Variants in MAGI2 observed in about 807,000 individuals in gnomAD.
MAGI2 encodes membrane associated guanylate kinase, WW and PDZ domain containing 2.
Under a neutral mutation model 133.3 loss-of-function variants are expected in MAGI2, and 35 were observed. The ratio of observed to expected loss-of-function variants is 0.26; its 90% CI spans 0.20 to 0.35. The LOEUF is 0.35. MAGI2 is among the 10% of genes least tolerant of loss of function. The pLI, the probability that MAGI2 is intolerant of heterozygous loss-of-function variation, is 1.00. For synonymous variants in MAGI2, 729 were observed against 710.6 expected, an observed-to-expected ratio of 1.03 and a Z score of -0.41; for missense variants, 1,636 against 1,863.4, an observed-to-expected ratio of 0.88 and a Z score of 2.25.
chr7:78,340,818 G>A (rs2151178162), intron 9 of MAGI2, among the ~76,000 whole-genome samples: 1 of 152,056 alleles, frequency 6.6e-6, no homozygotes, highest in East Asian at 1.9e-4. Flanking sequence ...AAAATAATAA[G>A]AGCTATTTAT....
intron 3 of MAGI2, among the ~76,000 whole-genome samples, chr7:78,593,173 A>T (rs1039836975): frequency 6.6e-6 from 1 of 150,896 alleles, no homozygotes; most frequent in African/African-American, 2.4e-5. Flanking sequence ...AGGGCGGATC[A>T]CGAGGTCAGG....
chr7:78,490,391 A>G (rs1452729044), intron 5 of MAGI2, among the ~76,000 whole-genome samples: 1 of 152,064 alleles, frequency 6.6e-6, no homozygotes, highest in African/African-American at 2.4e-5. Flanking sequence ...TTTCATCCAA[A>G]TACTTTCAAC....
chr7:78,327,242 T>C (rs1009982232), intron 9 of MAGI2, among the ~76,000 whole-genome samples: 2 of 152,304 alleles, frequency 1.3e-5, no homozygotes, highest in African/African-American at 4.8e-5. Flanking sequence ...ACTTCAACCA[T>C]AGAAATCTCA....
At chr7:78,644,219 A>G (rs1266665557) in intron 2 of MAGI2, among the ~76,000 whole-genome samples, 2 of 152,118 alleles carry the variant, frequency 1.3e-5, no homozygotes, top group African/African-American at 2.4e-5. Context: ...TAATTCCACA[A>G]TTATACTGAG....
At chr7:79,451,129 A>T (rs955122833) in intron 1 of MAGI2, among the ~76,000 whole-genome samples, 1 of 152,218 alleles carries the variant, frequency 6.6e-6, no homozygotes, top group Non-Finnish European at 1.5e-5. Flanking sequence ...CTAGCGTGAC[A>T]GTTTGCCAAC....
intron 2 of MAGI2, among the ~76,000 whole-genome samples, chr7:78,765,507 C>A (rs1824933927): frequency 6.6e-6 from 1 of 151,982 alleles, no homozygotes; most frequent in East Asian, 1.9e-4. Flanking sequence ...CACTACCACA[C>A]CCGGCTAATT....
chr7:78,048,778 A>G (rs1386017615), intron 21 of MAGI2, among the ~76,000 whole-genome samples: 1 of 152,130 alleles, frequency 6.6e-6, no homozygotes, highest in Non-Finnish European at 1.5e-5. Flanking sequence ...ATTCTGGGAG[A>G]TTTCCAATGA....
At chr7:78,907,979 T>C (rs373237754) in intron 2 of MAGI2, among the ~76,000 whole-genome samples, 22 of 152,162 alleles carry the variant, frequency 1.4e-4, no homozygotes, top group South Asian at 1.0e-3. Flanking sequence ...TGGAGTTACA[T>C]ATGAAAATAC....
intron 2 of MAGI2, among the ~76,000 whole-genome samples, chr7:78,943,507 C>T (rs1801154875): frequency 6.6e-6 from 1 of 152,100 alleles, no homozygotes; most frequent in South Asian, 2.1e-4. Context: ...GTGAAATGGC[C>T]TCATTATACA....
At chr7:78,464,730 C>A (rs1262026372) in intron 6 of MAGI2, among the ~76,000 whole-genome samples, 1 of 125,078 alleles carries the variant, frequency 8.0e-6, no homozygotes, top group Non-Finnish European at 1.8e-5. Context: ...AAATAAGAAC[C>A]TGATTTTTTT....
chr7:79,235,091 C>A (rs1211449016), intron 1 of MAGI2, among the ~76,000 whole-genome samples: 8 of 151,624 alleles, frequency 5.3e-5, no homozygotes, highest in Admixed American at 2.6e-4. Flanking sequence ...GGGGTGCCTC[C>A]CAGTTAGGCT....
At chr7:78,982,070 T>A (rs1328317877) in intron 2 of MAGI2, among the ~76,000 whole-genome samples, 4 of 151,580 alleles carry the variant, frequency 2.6e-5, no homozygotes, top group Non-Finnish European at 5.9e-5. Context: ...AGAATTAGGA[T>A]CTCATCTTCT....
intron 20 of MAGI2, among the ~76,000 whole-genome samples, chr7:78,111,826 G>A (rs1185667085): frequency 6.6e-6 from 1 of 152,222 alleles, no homozygotes; most frequent in East Asian, 1.9e-4. Flanking sequence ...GGACGAAATG[G>A]TCTTTGGGAT....
chr7:78,757,614 A>T lies in MAGI2; in HGVS notation c.419-130375T>A, dbSNP rs1824085559. On this transcript the variant is annotated intron_variant, in intron 2 of 21. Coordinates refer to ENST00000354212, the MANE Select transcript of MAGI2 (RefSeq NM_012301.4). ...CATTAGTGAGTCCTCATCTTATATG[A>T]CTTAACAGCTGCACCTGATACAGTT... Among the ~76,000 whole-genome samples, 5 of 152,096 alleles carry T rather than the reference A, an allele frequency of 3.3e-5. No individual in the cohort carries two copies. The South Asian group carries it at 1.0e-3, about 32-fold the overall frequency.
intron 3 of MAGI2, among the ~76,000 whole-genome samples, chr7:78,565,051 C>A (rs1168006230): frequency 1.3e-5 from 2 of 151,952 alleles, no homozygotes; most frequent in East Asian, 3.9e-4. Context: ...CCTCAGCCTT[C>A]CAAAGTGCTG....
At chr7:79,388,930 T>A (rs990197557) in intron 1 of MAGI2, among the ~76,000 whole-genome samples, 1 of 151,748 alleles carries the variant, frequency 6.6e-6, no homozygotes, top group Non-Finnish European at 1.5e-5. Context: ...GGTAGCATTA[T>A]TAAAATAAGT....
At chr7:78,986,648 G>T (rs1215152958) in intron 2 of MAGI2, among the ~76,000 whole-genome samples, 1 of 151,820 alleles carries the variant, frequency 6.6e-6, no homozygotes, top group Non-Finnish European at 1.5e-5. Context: ...TGGGCTCACA[G>T]AGTGCTGGGA....
At chr7:78,942,392 A>G (rs997906380) in intron 2 of MAGI2, among the ~76,000 whole-genome samples, 3 of 152,118 alleles carry the variant, frequency 2.0e-5, no homozygotes, top group African/African-American at 7.2e-5. Flanking sequence ...TCATGGTTAG[A>G]CTCAAATAAG....
intron 16 of MAGI2, among the ~76,000 whole-genome samples, chr7:78,137,678 C>T (rs1822298147): frequency 6.6e-6 from 1 of 152,138 alleles, no homozygotes; most frequent in African/African-American, 2.4e-5. Flanking sequence ...TAGACAGACA[C>T]TGGATGAGGT....
Sources: allele counts gnomAD v4.1 joint callset (sites outside exome capture counted in the v4.1 genomes callset), GRCh38; gene constraint gnomAD v4.1.1; transcripts MANE v1.5; gene names NCBI Gene and HGNC (gene_info 2026-07-23, HGNC 2026-07-21).